TRIM22: variants seen among roughly 807,000 people sequenced by gnomAD.
TRIM22 encodes tripartite motif containing 22, also known as E3 ubiquitin-protein ligase TRIM22.
Under a neutral mutation model 53.6 loss-of-function variants are expected in TRIM22, and 45 were observed. The ratio of observed to expected loss-of-function variants is 0.84; its 90% CI spans 0.66 to 1.08. The LOEUF is 1.08. TRIM22 is among the 50% of genes least tolerant of loss of function. The probability of loss-of-function intolerance (pLI) is 0.00; values close to 1 mark genes in which losing one functional copy is unlikely to be tolerated. For missense variants in TRIM22, 616 were observed against 590.9 expected, an observed-to-expected ratio of 1.04 and a Z score of -0.44; for synonymous variants, 225 against 216.6, an observed-to-expected ratio of 1.04 and a Z score of -0.34.
intron 1 of TRIM22, among the ~76,000 whole-genome samples, chr11:5,695,601 T>C (rs529720605): frequency 1.3e-4 from 19 of 151,658 alleles, no homozygotes; most frequent in African/African-American, 4.4e-4. Flanking sequence ...TAATTTTAAA[T>C]TGGGTTACAG....
At chr11:5,699,265 C>T (rs1853323190) in intron 4 of TRIM22, among the ~76,000 whole-genome samples, 1 of 149,056 alleles carries the variant, frequency 6.7e-6, no homozygotes, top group South Asian at 2.1e-4. Flanking sequence ...TGGCTCACGC[C>T]TGTAATCCCA....
chr11:5,692,810 G>T (rs1207921762), intron 1 of TRIM22, among the ~76,000 whole-genome samples: 2 of 112,174 alleles, frequency 1.8e-5, no homozygotes, highest in South Asian at 3.3e-4. Flanking sequence ...AAAAAAAAAA[G>T]ATATTGATGG....
intron 4 of TRIM22, among the ~76,000 whole-genome samples, chr11:5,699,751 CT>C (rs1853338168): frequency 2.1e-5 from 3 of 143,926 alleles, no homozygotes; most frequent in Admixed American, 1.4e-4. Flanking sequence ...TAGTTACAGC[CT>C]TTCTAGTGGG....
rs147185135 is a variant in TRIM22 at position 5,695,692 on chromosome 11, G to T, written c.-66-475G>T. Among the ~76,000 whole-genome samples the T allele has an allele frequency of 9.4e-3, 1,431 of 152,108 alleles. 21 individuals are homozygous for T. The highest frequency in any genetic ancestry group is 0.033 in the African/African-American group (1,354 of 41,464). On this transcript the variant is annotated intron_variant, in intron 1 of 7. Transcript: ENST00000379965. ...AATGATGTTTGATGCAGTGTTTGATGCTATGTAAATACAATTCAATAGCTT... is the reference window on the plus strand; with the variant it reads ...AATGATGTTTGATGCAGTGTTTGATTCTATGTAAATACAATTCAATAGCTT...
rs1853544134 is a variant in TRIM22 at position 5,710,557 on chromosome 11, G to C, written c.*909G>C. The C allele has an allele frequency of 6.6e-6, 1 of 152,132 alleles. No individual in the cohort carries two copies. The highest frequency in any genetic ancestry group is 1.5e-5 in the Non-Finnish European group (1 of 68,024). 9.4% of individuals were successfully genotyped at this position (152,132 alleles called of 1,614,324 possible). ...GCTAATAGTGGATTTTTAATGCTCA[G>C]AGTTTCTGAGGTCAAATTTTATCTT... is the stretch of plus-strand genomic sequence containing the variant. On this transcript the variant is annotated 3_prime_UTR_variant, in exon 8 of 8. Coordinates refer to ENST00000379965, the MANE Select transcript of TRIM22 (RefSeq NM_006074.5).
intron 4 of TRIM22, among the ~76,000 whole-genome samples, chr11:5,699,867 G>GT (rs1166737300): frequency 4.0e-5 from 6 of 150,718 alleles, no homozygotes; most frequent in Non-Finnish European, 8.9e-5. Flanking sequence ...TTTTTAAAGA[G>GT]TTTTTTCTGT....
chr11:5,690,875 G>T (rs1217293067), intron 1 of TRIM22, among the ~76,000 whole-genome samples: 1 of 152,214 alleles, frequency 6.6e-6, no homozygotes, highest in African/African-American at 2.4e-5. Context: ...ATCTGGGTAT[G>T]AGGCGAAGGA....
intron 4 of TRIM22, among the ~76,000 whole-genome samples, chr11:5,699,724 CTT>C (rs71053299): frequency 0.087 from 11,636 of 134,434 alleles, 842 homozygotes; most frequent in African/African-American, 0.2. Flanking sequence ...TGATTATTTC[CTT>C]TTTTTTTTTT....
At chr11:5,703,276 T>G (rs1029771299) in intron 4 of TRIM22, among the ~76,000 whole-genome samples, 1 of 152,244 alleles carries the variant, frequency 6.6e-6, no homozygotes, top group African/African-American at 2.4e-5. Flanking sequence ...TAGCTTCCAC[T>G]TATAAGTGAG....
At chr11:5,708,751 T>C in intron 7 of TRIM22, 148 bp downstream of exon 7, 2 of 791,732 alleles carry the variant, frequency 2.5e-6, no homozygotes, top group Non-Finnish European at 3.8e-6. Context: ...ATTTTTGCTA[T>C]TGTTGCCCAG....
intron 7 of TRIM22, 78 bp downstream of exon 7, chr11:5,708,681 G>T: frequency 2.4e-6 from 3 of 1,245,134 alleles, no homozygotes; most frequent in Non-Finnish European, 3.4e-6. Context: ...TGAGTCTCAT[G>T]TGTTCCTCCC....
chr11:5,696,572 G>C lies in TRIM22; in HGVS notation c.340G>C (p.Val114Leu). 6.2e-7 allele frequency: 1 copy of C among 1,614,196 alleles called. No homozygotes were observed. Among genetic ancestry groups the C allele is most frequent in the Non-Finnish European group, 8.5e-7 (1 of 1,180,048 alleles). Residue 114 changes from valine (V) to leucine (L), a missense_variant, in exon 2 of 8, where the codon GTC becomes CTC. Coordinates refer to ENST00000379965, the MANE Select transcript of TRIM22 (RefSeq NM_006074.5). The part of the protein sequence containing the change: ...LQIFCKEDGK[V>L]ICWVCELSQE... The stretch of plus-strand genomic sequence containing the variant: ...GATCTTCTGTAAGGAGGATGGAAAA[G>C]TCATTTGCTGGGTTTGTGAACTGTC...
chr11:5,708,316 T>G (rs771837495), intron 6 of TRIM22, 43 bp downstream of exon 6: 2 of 1,562,158 alleles, frequency 1.3e-6, no homozygotes, highest in Non-Finnish European at 1.8e-6. Context: ...GATTTCTTAG[T>G]ATCAGGGCTC....
At chr11:5,698,108 A>C (rs1307183114) in intron 3 of TRIM22, 12 of 537,530 alleles carry the variant, frequency 2.2e-5, no homozygotes, top group Admixed American at 6.3e-5. Context: ...GGCCTCAATA[A>C]AACTGACTTG....
chr11:5,691,532 C>T (rs367754128), intron 1 of TRIM22, among the ~76,000 whole-genome samples: 2 of 152,186 alleles, frequency 1.3e-5, no homozygotes, highest in African/African-American at 4.8e-5. Context: ...TTAGTTTTTA[C>T]TTTTTCTTTC....
chr11:5,707,552 A>G (rs1853479950), intron 5 of TRIM22, among the ~76,000 whole-genome samples: 1 of 152,184 alleles, frequency 6.6e-6, no homozygotes, highest in Non-Finnish European at 1.5e-5. Context: ...GGTCACGCCT[A>G]CAATGCTAGC....
intron 4 of TRIM22, among the ~76,000 whole-genome samples, chr11:5,704,719 A>G (rs1853431597): frequency 6.6e-6 from 1 of 152,074 alleles, no homozygotes; most frequent in Non-Finnish European, 1.5e-5. Context: ...ACCAAATCCA[A>G]TGTCATGCAA....
At chr11:5,693,113 C>A (rs561788934) in intron 1 of TRIM22, among the ~76,000 whole-genome samples, 26 of 151,282 alleles carry the variant, frequency 1.7e-4, no homozygotes, top group African/African-American at 6.3e-4. Flanking sequence ...CCTCAAACTC[C>A]TGACCTCAGG....
intron 4 of TRIM22, among the ~76,000 whole-genome samples, chr11:5,700,691 G>C (rs1242729592): frequency 1.4e-5 from 2 of 145,582 alleles, no homozygotes. Flanking sequence ...CTGGAGTGCA[G>C]TGGCACGATT....
Sources: gnomAD v4.1 joint callset for allele counts (sites outside exome capture counted in the v4.1 genomes callset) on GRCh38, gnomAD v4.1.1 for gene constraint, MANE v1.5 for transcripts, NCBI Gene and HGNC (gene_info 2026-07-23, HGNC 2026-07-21) for gene names.